PREX1: variants seen among roughly 807,000 people sequenced by gnomAD.
The protein encoded by PREX1 is phosphatidylinositol-3,4,5-trisphosphate dependent Rac exchange factor 1.
In PREX1, 41 loss-of-function variants were observed where a neutral mutation model predicts 198.3. That is an observed-to-expected ratio of 0.21 (90% CI 0.16 to 0.27). The LOEUF is 0.27. Ranked by LOEUF, PREX1 falls within the 10% of genes least tolerant of loss-of-function variation. The probability of loss-of-function intolerance (pLI) is 1.00; values close to 1 mark genes in which losing one functional copy is unlikely to be tolerated. For synonymous variants in PREX1, 843 were observed against 887.2 expected (o/e 0.95, Z 0.89); for missense variants, 1,620 against 2,200.7 (o/e 0.74, Z 5.28).
At chr20:48,724,588 T>G (rs570347223) in intron 5 of PREX1, among the ~76,000 whole-genome samples, 11 of 152,226 alleles carry the variant, frequency 7.2e-5, no homozygotes, top group Non-Finnish European at 1.0e-4. Flanking sequence ...CTGCTACATA[T>G]TCTTCTGGGG....
intron 1 of PREX1, among the ~76,000 whole-genome samples, chr20:48,803,250 G>T (rs112752495): frequency 0.055 from 8,443 of 152,130 alleles, 306 homozygotes; most frequent in African/African-American, 0.093. Flanking sequence ...AGCAGCACAG[G>T]CCAGACCAGA....
intron 3 of PREX1, among the ~76,000 whole-genome samples, chr20:48,736,554 C>G (rs2090057868): frequency 6.6e-6 from 1 of 152,192 alleles, no homozygotes; most frequent in Non-Finnish European, 1.5e-5. Context: ...TTTTTCTATT[C>G]CCACTTGTCT....
chr20:48,688,105 TG>T (rs1022085572), intron 10 of PREX1, among the ~76,000 whole-genome samples: 12 of 150,892 alleles, frequency 8.0e-5, no homozygotes, highest in South Asian at 4.2e-4. Context: ...AAAAATGGGG[TG>T]GGGGTGGGGG....
At chr20:48,787,482 C>T (rs1157474891) in intron 1 of PREX1, among the ~76,000 whole-genome samples, 2 of 151,964 alleles carry the variant, frequency 1.3e-5, no homozygotes, top group Non-Finnish European at 2.9e-5. Context: ...CCCGGCCAGC[C>T]GGGGTCCACA....
At chr20:48,794,443 A>C (rs1200110380) in intron 1 of PREX1, among the ~76,000 whole-genome samples, 1 of 152,182 alleles carries the variant, frequency 6.6e-6, no homozygotes, top group African/African-American at 2.4e-5. Flanking sequence ...TCCACTCCAG[A>C]AGGAAAGAGG....
At chr20:48,655,127 C>A (rs976430213) in intron 19 of PREX1, among the ~76,000 whole-genome samples, 163 bp downstream of exon 19, 1 of 152,208 alleles carries the variant, frequency 6.6e-6, no homozygotes. Context: ...CTGACCCCAA[C>A]AGGCATTTGT....
At chr20:48,840,339 CAAAAAAAAAA>C in the PREX1 span, among the ~76,000 whole-genome samples, 3 of 111,660 alleles carry the variant, frequency 2.7e-5, no homozygotes, top group East Asian at 7.8e-4. Flanking sequence ...TAACCTTAAC[CAAAAAAAAAA>C]AAAAAGAAAA....
At chr20:48,877,181 G>T in the PREX1 span, among the ~76,000 whole-genome samples, 1 of 151,482 alleles carries the variant, frequency 6.6e-6, no homozygotes, top group Non-Finnish European at 1.5e-5. Flanking sequence ...TGAGGCAGGA[G>T]AATTGCTTGA....
At chr20:48,641,301 A>G (rs6066799) in intron 29 of PREX1, among the ~76,000 whole-genome samples, 8,738 of 152,276 alleles carry the variant, frequency 0.057, 323 homozygotes, top group South Asian at 0.13. Flanking sequence ...CTGCGGTATA[A>G]TGATATTTCG....
intron 3 of PREX1, among the ~76,000 whole-genome samples, chr20:48,743,645 G>A (rs573010557): frequency 6.6e-6 from 1 of 152,346 alleles, no homozygotes; most frequent in South Asian, 2.1e-4. Flanking sequence ...ACTGTGCCAG[G>A]AGCTGCACTG....
intron 3 of PREX1, 71 bp downstream of exon 3, chr20:48,744,954 G>C: frequency 6.3e-7 from 1 of 1,575,884 alleles, no homozygotes; most frequent in Non-Finnish European, 8.7e-7. Flanking sequence ...AAGGCGGATG[G>C]GGCAGGGACC....
chr20:48,796,444 C>A (rs2090362664), intron 1 of PREX1, among the ~76,000 whole-genome samples: 1 of 152,128 alleles, frequency 6.6e-6, no homozygotes, highest in Non-Finnish European at 1.5e-5. Flanking sequence ...GTACTGTGGG[C>A]CCCACTTGTG....
At chr20:48,786,422 G>A (rs2090312565) in intron 1 of PREX1, among the ~76,000 whole-genome samples, 1 of 152,098 alleles carries the variant, frequency 6.6e-6, no homozygotes, top group Non-Finnish European at 1.5e-5. Context: ...GAGAAAGAAA[G>A]TGGCGGGGAA....
chr20:48,781,155 G>T (rs749404323), intron 1 of PREX1, among the ~76,000 whole-genome samples: 2 of 152,140 alleles, frequency 1.3e-5, no homozygotes, highest in African/African-American at 2.4e-5. Context: ...GCAACATGGT[G>T]CCCTAGGTTG....
chr20:48,798,386 T>C (rs1159184631), intron 1 of PREX1, among the ~76,000 whole-genome samples: 1 of 152,044 alleles, frequency 6.6e-6, no homozygotes, highest in Non-Finnish European at 1.5e-5. Context: ...CACCTAAGGG[T>C]CCTTTTTAAA....
At chr20:48,696,682 G>T (rs796590403) in intron 7 of PREX1, among the ~76,000 whole-genome samples, 6 of 151,936 alleles carry the variant, frequency 3.9e-5, no homozygotes, top group African/African-American at 1.4e-4. Context: ...CCCTCCTAGA[G>T]TATTTATTGG....
chr20:48,748,295 C>T (rs994242083), intron 1 of PREX1, among the ~76,000 whole-genome samples: 14 of 152,058 alleles, frequency 9.2e-5, no homozygotes, highest in Non-Finnish European at 1.3e-4. Context: ...AGTAATAACA[C>T]AGTCACATGG....
chr20:48,756,514 T>C (rs952147641), intron 1 of PREX1, among the ~76,000 whole-genome samples: 2 of 152,080 alleles, frequency 1.3e-5, no homozygotes, highest in African/African-American at 2.4e-5. Flanking sequence ...TTTACTCCCA[T>C]GGCACATTTA....
chr20:48,777,381 C>T (rs1442692927), intron 1 of PREX1, among the ~76,000 whole-genome samples: 5 of 152,122 alleles, frequency 3.3e-5, no homozygotes, highest in Admixed American at 6.5e-5. Context: ...AGACAGTGAA[C>T]GGAAGGCTGT....
Sources: allele counts gnomAD v4.1 joint callset (sites outside exome capture counted in the v4.1 genomes callset), GRCh38; gene constraint gnomAD v4.1.1; transcripts MANE v1.5; gene names NCBI Gene and HGNC (gene_info 2026-07-23, HGNC 2026-07-21).